KIRREL3: variants seen among roughly 807,000 people sequenced by gnomAD.
The protein encoded by KIRREL3 is kirre like nephrin family adhesion molecule 3.
In KIRREL3, 36 loss-of-function variants were observed where a neutral mutation model predicts 89.7. That is an observed-to-expected ratio of 0.40 (90% CI 0.31 to 0.53). The LOEUF is 0.53. Among genes scored for constraint, KIRREL3 ranks in the 20% least tolerant of loss-of-function variants. KIRREL3 has a pLI of 0.49. For missense variants in KIRREL3, 864 were observed against 1,056.6 expected, an observed-to-expected ratio of 0.82 and a Z score of 2.53; for synonymous variants, 445 against 441.4, an observed-to-expected ratio of 1.01 and a Z score of -0.10.
At chr11:126,966,753 C>T (rs1225241901) in intron 1 of KIRREL3, among the ~76,000 whole-genome samples, 1 of 152,118 alleles carries the variant, frequency 6.6e-6, no homozygotes, top group Admixed American at 6.6e-5. Flanking sequence ...AGTTACTTAA[C>T]CTGTATATGC....
At chr11:126,473,585 C>T (rs902180113) in intron 4 of KIRREL3, 119 bp from the exon 5 acceptor site, 12 of 808,946 alleles carry the variant, frequency 1.5e-5, no homozygotes, top group South Asian at 2.1e-5. Flanking sequence ...ATTAATAAAA[C>T]GCATCGTCCG....
At position 126,551,255 on chromosome 11, in the gene KIRREL3, A is replaced by G. The variant is rs1939237392; in HGVS notation, c.133+11580T>C. On this transcript the variant is annotated intron_variant, in intron 2 of 16. Coordinates refer to ENST00000525144, the MANE Select transcript of KIRREL3 (RefSeq NM_032531.4). This position sits in a 1 kb window ranked among gnomAD's most constrained non-coding sequence, Gnocchi z 4.9. The stretch of plus-strand genomic sequence containing the variant: ...TTTTCATGGAAGCATTCCTTCCCCT[A>G]GGGTGTGAGGCGGGACTCTCTCAGG... Among the ~76,000 whole-genome samples, 1 of 152,102 alleles carries G rather than the reference A, an allele frequency of 6.6e-6. No homozygotes were observed. Among genetic ancestry groups the G allele is most frequent in the South Asian group, 2.1e-4 (1 of 4,828 alleles).
intron 10 of KIRREL3, among the ~76,000 whole-genome samples, 176 bp downstream of exon 10, chr11:126,444,803 C>T (rs12799323): frequency 1.2e-4 from 19 of 152,348 alleles, no homozygotes; most frequent in South Asian, 8.3e-4. Flanking sequence ...CTTCCTCCCT[C>T]AGCCTGGGTC....
intron 7 of KIRREL3, among the ~76,000 whole-genome samples, chr11:126,451,196 T>G (rs1341287782): frequency 3.3e-5 from 5 of 150,674 alleles, no homozygotes; most frequent in Non-Finnish European, 7.4e-5. Context: ...TGGCCGTGTG[T>G]GTGCATGTGT....
Position 126,995,957 on chromosome 11 carries a change from C to T in KIRREL3, c.55+4498G>A, listed in dbSNP as rs1950168904. Among the ~76,000 whole-genome samples the T allele has an allele frequency of 6.6e-6, 1 of 152,150 alleles. No individual in the cohort carries two copies. The highest frequency in any genetic ancestry group is 6.5e-5 in the Admixed American group (1 of 15,284). ...TGCCGCTGCCTGTTCCAAGCCAAAT[C>T]CTCCTCTGTACACCCAAGAGGGGGA... On this transcript the variant is annotated intron_variant, in intron 1 of 16. Transcript: ENST00000525144. This position sits in a 1 kb window ranked among gnomAD's most constrained non-coding sequence, Gnocchi z 6.5.
intron 1 of KIRREL3, among the ~76,000 whole-genome samples, chr11:126,975,197 A>C (rs1305950275): frequency 1.3e-5 from 2 of 152,188 alleles, no homozygotes; most frequent in African/African-American, 4.8e-5. Context: ...ACTGTATTGT[A>C]CTTCTTCAAC....
rs1336635735 is a variant in KIRREL3 at position 126,879,741 on chromosome 11, T to C, written c.55+120714A>G. Among the ~76,000 whole-genome samples the C allele has an allele frequency of 6.6e-6, 1 of 152,208 alleles. No individual in the cohort carries two copies. The highest frequency in any genetic ancestry group is 1.5e-5 in the Non-Finnish European group (1 of 68,040). ...TTTCTGAGTGGGTCATCTGAGAGAA[T>C]TATCCTTTGGCCAAGAGACCACTTA... On this transcript the variant is annotated intron_variant, in intron 1 of 16. Coordinates refer to ENST00000525144, the MANE Select transcript of KIRREL3 (RefSeq NM_032531.4). The surrounding 1 kb of genome is among the most constrained non-coding windows in gnomAD (Gnocchi z 5.4).
rs188735966 is a variant in KIRREL3, at chr11:126,917,741, G to T, written c.55+82714C>A. Among the ~76,000 whole-genome samples, 1 of 152,146 alleles carries T rather than the reference G, an allele frequency of 6.6e-6. No individual in the cohort carries two copies. Among genetic ancestry groups the T allele is most frequent in the Non-Finnish European group, 1.5e-5 (1 of 68,020 alleles). Reference sequence around the variant, plus strand: ...ACTAGAAACCAATAGTGAGGTGGTTGCCACTATTTCCATTGGCAACCAATA... The same window carrying T: ...ACTAGAAACCAATAGTGAGGTGGTTTCCACTATTTCCATTGGCAACCAATA... On this transcript the variant is annotated intron_variant, in intron 1 of 16. Coordinates refer to ENST00000525144, the MANE Select transcript of KIRREL3 (RefSeq NM_032531.4). This position sits in a 1 kb window ranked among gnomAD's most constrained non-coding sequence, Gnocchi z 5.0.
chr11:126,781,388 C>T (rs7120589), intron 1 of KIRREL3, among the ~76,000 whole-genome samples: 2,006 of 152,106 alleles, frequency 0.013, 32 homozygotes, highest in African/African-American at 0.042. Flanking sequence ...TTTAAAACAC[C>T]CATTATTCTA....
intron 1 of KIRREL3, among the ~76,000 whole-genome samples, chr11:126,923,711 TAGGATTAC>T (rs1947574416): frequency 6.6e-6 from 1 of 152,126 alleles, no homozygotes; most frequent in Non-Finnish European, 1.5e-5. Flanking sequence ...CCCAAAGTGC[TAGGATTAC>T]AGGCATGAGC....
chr11:126,521,445 C>T lies in KIRREL3; in HGVS notation c.303G>A (p.Val101=), dbSNP rs1402419721. The change falls in exon 4 of 17, where the codon GTG becomes GTA. Residue 101 remains valine, a synonymous_variant. Coordinates refer to ENST00000525144, the MANE Select transcript of KIRREL3 (RefSeq NM_032531.4). This position sits in a 1 kb window ranked among gnomAD's most constrained non-coding sequence, Gnocchi z 4.1. ...RDLSSYPQYL[V]VGNHLSGEHH... is the part of the protein sequence containing the mutation. ...GCTCCCCTGACAGGTGGTTCCCTAC[C>T]ACCAGGTACTGTGGGTAACCTGTGG... 3.8e-6 allele frequency: 6 copies of T among 1,582,916 alleles called. No homozygotes were observed. Among genetic ancestry groups the T allele is most frequent in the Non-Finnish European group, 5.2e-6 (6 of 1,164,360 alleles).
Position 126,879,802 on chromosome 11 carries a change from G to A in KIRREL3, c.55+120653C>T, listed in dbSNP as rs112339472. On this transcript the variant is annotated intron_variant, in intron 1 of 16. Transcript: ENST00000525144. This position sits in a 1 kb window ranked among gnomAD's most constrained non-coding sequence, Gnocchi z 5.4. ...AAAGGACATCTCAAGGAGCTCAACT[G>A]GTCTTATGACCCTGAACCTTCTGTC... Among the ~76,000 whole-genome samples, 2,014 of 152,198 alleles carry A rather than the reference G, an allele frequency of 0.013. 45 individuals carry two copies. Among genetic ancestry groups the A allele is most frequent in the African/African-American group, 0.046 (1,911 of 41,506 alleles).
At chr11:126,499,343 G>A (rs142641343) in intron 4 of KIRREL3, among the ~76,000 whole-genome samples, 2 of 152,164 alleles carry the variant, frequency 1.3e-5, no homozygotes, top group African/African-American at 4.8e-5. Context: ...TCGTTAGTAA[G>A]CATCTGCAAA....
chr11:126,893,130 A>C (rs1291264483), intron 1 of KIRREL3, among the ~76,000 whole-genome samples: 1 of 152,236 alleles, frequency 6.6e-6, no homozygotes, highest in African/African-American at 2.4e-5. Flanking sequence ...CATACAAATA[A>C]ATGCATGGAC....
Position 126,627,790 on chromosome 11 carries a change from A to G in KIRREL3, c.56-64878T>C, listed in dbSNP as rs796460964. On this transcript the variant is annotated intron_variant, in intron 1 of 16. Coordinates refer to ENST00000525144, the MANE Select transcript of KIRREL3 (RefSeq NM_032531.4). This position sits in a 1 kb window ranked among gnomAD's most constrained non-coding sequence, Gnocchi z 5.0. Reference sequence around the variant, plus strand: ...AGGATTAGAGGGATGTCAGATGCTCAGAGAGAACTCACAGGCCCCAGTGGA... The same window carrying G: ...AGGATTAGAGGGATGTCAGATGCTCGGAGAGAACTCACAGGCCCCAGTGGA... Among the ~76,000 whole-genome samples the G allele has an allele frequency of 1.3e-5, 2 of 152,186 alleles. 1 individual carries two copies. The highest frequency in any genetic ancestry group is 4.1e-4 in the South Asian group (2 of 4,832).
chr11:126,934,193 G>T (rs1410783628), intron 1 of KIRREL3, among the ~76,000 whole-genome samples: 1 of 152,056 alleles, frequency 6.6e-6, no homozygotes, highest in East Asian at 1.9e-4. Context: ...TTTAAAGAAG[G>T]TATCAAGATA....
rs1319747911 is a variant in KIRREL3 at position 126,656,483 on chromosome 11, C to T, written c.56-93571G>A. Among the ~76,000 whole-genome samples the T allele has an allele frequency of 6.6e-6, 1 of 152,158 alleles. No individual in the cohort carries two copies. Among genetic ancestry groups the T allele is most frequent in the Non-Finnish European group, 1.5e-5 (1 of 68,024 alleles). ...AGTAGATTTTTATAAAATGAGACTT[C>T]ACGTGGAATCTCAACATACAAAATT... On this transcript the variant is annotated intron_variant, in intron 1 of 16. Transcript: ENST00000525144. The surrounding 1 kb of genome is among the most constrained non-coding windows in gnomAD (Gnocchi z 4.0).
At chr11:126,732,940 A>G (rs1948681209) in intron 1 of KIRREL3, among the ~76,000 whole-genome samples, 1 of 152,216 alleles carries the variant, frequency 6.6e-6, no homozygotes, top group African/African-American at 2.4e-5. Flanking sequence ...CTCCCATTGT[A>G]TTCACAGATA....
rs1294018105 is a variant in KIRREL3, at chr11:126,609,296, G to C, written c.56-46384C>G. ...CTCTCCTTAGCCTCTTGCAGAGAGGGCTAATGTATGTCTTCCCCCCGGGCT... is the reference window on the plus strand; with the variant it reads ...CTCTCCTTAGCCTCTTGCAGAGAGGCCTAATGTATGTCTTCCCCCCGGGCT... On this transcript the variant is annotated intron_variant, in intron 1 of 16. Coordinates refer to ENST00000525144, the MANE Select transcript of KIRREL3 (RefSeq NM_032531.4). This position sits in a 1 kb window ranked among gnomAD's most constrained non-coding sequence, Gnocchi z 5.0. 1.1e-4 allele frequency among the ~76,000 whole-genome samples: 16 copies of C among 152,304 alleles called. No homozygotes were observed. The highest frequency in any genetic ancestry group is 2.9e-5 in the Non-Finnish European group (2 of 68,032).
Sources: gnomAD v4.1 joint callset for allele counts (sites outside exome capture counted in the v4.1 genomes callset) on GRCh38, gnomAD v4.1.1 for gene constraint, Gnocchi (gnomAD v3.1) non-coding constraint, MANE v1.5 for transcripts, NCBI Gene and HGNC (gene_info 2026-07-23, HGNC 2026-07-21) for gene names.